Variants in CADPS2 observed in about 807,000 individuals in gnomAD.
The protein encoded by CADPS2 is calcium dependent secretion activator 2.
A neutral mutation model predicts 172.5 loss-of-function variants in CADPS2; 93 were observed. That is an observed-to-expected ratio of 0.54 (90% CI 0.46 to 0.64). CADPS2 has a LOEUF of 0.64. CADPS2 is among the 30% of genes least tolerant of loss of function. The pLI is 0.00. For synonymous variants in CADPS2, 546 were observed against 555.2 expected (o/e 0.98, Z 0.23); for missense variants, 1,420 against 1,565.9 (o/e 0.91, Z 1.57).
chr7:122,583,465 A>G (rs1273486737), intron 6 of CADPS2, among the ~76,000 whole-genome samples: 3 of 151,956 alleles, frequency 2.0e-5, no homozygotes, highest in Non-Finnish European at 2.9e-5. Flanking sequence ...CTTAAAAGGA[A>G]TATTTTCAGC....
intron 1 of CADPS2, among the ~76,000 whole-genome samples, chr7:122,793,627 A>C (rs1349927754): frequency 6.6e-6 from 1 of 152,146 alleles, no homozygotes; most frequent in Admixed American, 6.6e-5. Flanking sequence ...ACCCATTTAC[A>C]TTCAAGGTTA....
At chr7:122,846,097 G>A (rs1811923037) in intron 1 of CADPS2, among the ~76,000 whole-genome samples, 1 of 152,118 alleles carries the variant, frequency 6.6e-6, no homozygotes, top group Non-Finnish European at 1.5e-5. Context: ...TTGTAATGCA[G>A]GGTACTAAAT....
chr7:122,442,081 C>T (rs1473108193), intron 15 of CADPS2, among the ~76,000 whole-genome samples: 1 of 152,240 alleles, frequency 6.6e-6, no homozygotes. Context: ...ACACATAAAC[C>T]CTCTGCAGTT....
intron 1 of CADPS2, among the ~76,000 whole-genome samples, chr7:122,810,049 C>A (rs185031999): frequency 1.3e-5 from 2 of 152,110 alleles, no homozygotes; most frequent in Non-Finnish European, 1.5e-5. Context: ...CTCAGCTATA[C>A]CTTGCAGTAG....
At chr7:122,738,374 G>T (rs766063521) in intron 1 of CADPS2, among the ~76,000 whole-genome samples, 3 of 151,942 alleles carry the variant, frequency 2.0e-5, no homozygotes, top group African/African-American at 4.8e-5. Context: ...TAGAAATAAG[G>T]CGTCTTAGAT....
chr7:122,406,192 C>A (rs906276608), intron 20 of CADPS2, among the ~76,000 whole-genome samples: 2 of 152,012 alleles, frequency 1.3e-5, no homozygotes, highest in African/African-American at 4.8e-5. Flanking sequence ...ATCACAGACT[C>A]AAAGAGGTGA....
intron 5 of CADPS2, among the ~76,000 whole-genome samples, chr7:122,620,764 T>C (rs2075511767): frequency 1.3e-5 from 2 of 152,156 alleles, no homozygotes; most frequent in African/African-American, 2.4e-5. Flanking sequence ...CCTAGAAAAA[T>C]GATCCTATGG....
At chr7:122,732,788 ATATATACAT>A (rs1283827146) in intron 2 of CADPS2, among the ~76,000 whole-genome samples, 2 of 143,060 alleles carry the variant, frequency 1.4e-5, no homozygotes, top group African/African-American at 5.1e-5. Context: ...TGTATATAAT[ATATATACAT>A]TATATATTAT....
chr7:122,869,977 T>G (rs1819330043), intron 1 of CADPS2, among the ~76,000 whole-genome samples: 1 of 151,756 alleles, frequency 6.6e-6, no homozygotes, highest in African/African-American at 2.4e-5. Flanking sequence ...AAGAAAGCAT[T>G]CAAAGCATAC....
At chr7:122,739,902 G>A (rs2092377665) in intron 1 of CADPS2, among the ~76,000 whole-genome samples, 1 of 152,110 alleles carries the variant, frequency 6.6e-6, no homozygotes, top group Non-Finnish European at 1.5e-5. Flanking sequence ...AATCAGAAAT[G>A]TACTATAAAA....
intron 27 of CADPS2, among the ~76,000 whole-genome samples, chr7:122,351,221 A>C (rs2038524088): frequency 6.6e-6 from 1 of 150,788 alleles, no homozygotes. Flanking sequence ...AAAATACAAA[A>C]AATTAGCTGG....
chr7:122,351,402 A>AAAAAAAAAAAAAAAAAAAAAT, intron 27 of CADPS2, among the ~76,000 whole-genome samples: 1 of 145,708 alleles, frequency 6.9e-6, no homozygotes, highest in African/African-American at 2.5e-5. Flanking sequence ...AAAAAAAAAA[A>AAAAAAAAAAAAAAAAAAAAAT]ATTCCAAACT....
At chr7:122,544,296 C>T (rs2063398892) in intron 8 of CADPS2, among the ~76,000 whole-genome samples, 1 of 151,960 alleles carries the variant, frequency 6.6e-6, no homozygotes, top group Non-Finnish European at 1.5e-5. Flanking sequence ...ACATCATGGG[C>T]TAAGGATTAT....
At chr7:122,423,892 G>C (rs758387480) in intron 17 of CADPS2, among the ~76,000 whole-genome samples, 4 of 152,090 alleles carry the variant, frequency 2.6e-5, no homozygotes, top group Admixed American at 6.6e-5. Context: ...CAGTAGTTAC[G>C]AAAAACAAAG....
chr7:122,399,645 C>G (rs1454042324), intron 20 of CADPS2, among the ~76,000 whole-genome samples: 1 of 131,244 alleles, frequency 7.6e-6, no homozygotes, highest in Non-Finnish European at 1.6e-5. Context: ...CGATAACTCT[C>G]TCAAGGGTGG....
At chr7:122,501,608 G>A (rs368455926) in intron 9 of CADPS2, among the ~76,000 whole-genome samples, 1 of 152,080 alleles carries the variant, frequency 6.6e-6, no homozygotes, top group Non-Finnish European at 1.5e-5. Context: ...CCAGCACTTT[G>A]GGAGGCCGAG....
chr7:122,819,508 C>T (rs1034446278), intron 1 of CADPS2, among the ~76,000 whole-genome samples: 5 of 152,098 alleles, frequency 3.3e-5, no homozygotes, highest in African/African-American at 1.2e-4. Context: ...CAGAGGCTAC[C>T]CACTCCACAT....
chr7:122,548,745 G>A (rs1354270816), intron 8 of CADPS2, among the ~76,000 whole-genome samples: 2 of 152,154 alleles, frequency 1.3e-5, no homozygotes, highest in Non-Finnish European at 2.9e-5. Context: ...ATCTCCAGAT[G>A]CTCTTTATTT....
chr7:122,790,026 GTGT>G (rs900640800), intron 1 of CADPS2, among the ~76,000 whole-genome samples: 22 of 141,092 alleles, frequency 1.6e-4, no homozygotes, highest in East Asian at 4.1e-4. Flanking sequence ...CAAATATTAA[GTGT>G]TTTTTTTTTT....
Sources: allele counts gnomAD v4.1 joint callset (sites outside exome capture counted in the v4.1 genomes callset), GRCh38; gene constraint gnomAD v4.1.1; transcripts MANE v1.5; gene names NCBI Gene and HGNC (gene_info 2026-07-23, HGNC 2026-07-21).